TPM1: variants seen among roughly 807,000 people sequenced by gnomAD.
The protein encoded by TPM1 is tropomyosin 1, also known as tropomyosin alpha-1 chain.
TPM1 carries 24 observed loss-of-function variants against 42.9 expected under a neutral mutation model. The ratio of observed to expected loss-of-function variants is 0.56; its 90% CI spans 0.41 to 0.79. The LOEUF is 0.79. Among genes scored for constraint, TPM1 ranks in the 30% least tolerant of loss-of-function variants. The probability of loss-of-function intolerance (pLI) is 0.00; values close to 1 mark genes in which losing one functional copy is unlikely to be tolerated. For synonymous variants in TPM1, 136 were observed against 130.1 expected (o/e 1.05, Z -0.31); for missense variants, 158 against 351.8 (o/e 0.45, Z 4.41).
At chr15:63,062,980 C>G in intron 8 of TPM1, 1 of 1,371,184 alleles carries the variant, frequency 7.3e-7, no homozygotes. Context: ...AGTGTTACTT[C>G]CTAATTAAAT....
intron 3 of TPM1, among the ~76,000 whole-genome samples, chr15:63,058,168 TACGC>T (rs1257100215): frequency 6.6e-6 from 1 of 152,262 alleles, no homozygotes; most frequent in Non-Finnish European, 1.5e-5. Flanking sequence ...TCTTACAGTG[TACGC>T]ATAAGAGCAG....
rs1299968756 is a variant in TPM1, at chr15:63,043,447, GTTC to G, written c.114+509_114+511del. The G allele has an allele frequency of 4.5e-6, 3 of 669,032 alleles. No individual in the cohort carries two copies. The Admixed American group carries it at 6.2e-5, about 14-fold the overall frequency. 41.4% of individuals were successfully genotyped at this position (669,032 alleles called of 1,614,324 possible). A position where few individuals can be genotyped will look rare whatever the true frequency, so the allele number is the denominator to read the frequency against. On this transcript the variant is annotated intron_variant, in intron 1 of 9. Transcript: ENST00000403994. Reference sequence around the variant, plus strand: ...GCCCGAAAGCCAGGCCAGCAGTGGCGTTCTTCTGTGTCCCCAAGTAGTGGACTT... The same window carrying G: ...GCCCGAAAGCCAGGCCAGCAGTGGCGTTCTGTGTCCCCAAGTAGTGGACTT...
intron 2 of TPM1, chr15:63,046,077 G>C (rs1272508689): frequency 6.6e-6 from 1 of 152,206 alleles, no homozygotes; most frequent in Non-Finnish European, 1.5e-5. Context: ...AAACACCATA[G>C]AGTGTATGGT....
exon 9 of TPM1, chr15:63,071,465 A>G: frequency 2.6e-6 from 1 of 385,914 alleles, no homozygotes; most frequent in South Asian, 2.1e-5. Context: ...AAGAAGTTCC[A>G]TTCAAAGTGC....
chr15:63,057,669 C>T (rs564193181), intron 3 of TPM1, among the ~76,000 whole-genome samples: 10 of 152,324 alleles, frequency 6.6e-5, no homozygotes, highest in East Asian at 5.8e-4. Flanking sequence ...GTCAGATGCT[C>T]GTGTGTTCTG....
exon 9 of TPM1, chr15:63,071,258 A>C: frequency 1.4e-6 from 2 of 1,407,584 alleles, no homozygotes; most frequent in Non-Finnish European, 2.0e-6. Context: ...CAATTTATTT[A>C]CTTTTACCAC....
chr15:63,058,867 A>G (rs1344277285), intron 3 of TPM1, among the ~76,000 whole-genome samples: 2 of 152,230 alleles, frequency 1.3e-5, no homozygotes, highest in African/African-American at 4.8e-5. Flanking sequence ...TAGGACCCTA[A>G]TATACACCAT....
chr15:63,065,137 T>C (rs1401006016), intron 9 of TPM1: 1 of 985,390 alleles, frequency 1.0e-6, no homozygotes, highest in East Asian at 1.1e-4. Flanking sequence ...TGGGAGTTAA[T>C]GGCCCAGATT....
intron 5 of TPM1, 110 bp downstream of exon 5, chr15:63,061,049 T>C: frequency 6.7e-7 from 1 of 1,502,338 alleles, no homozygotes; most frequent in East Asian, 2.3e-5. Flanking sequence ...CGGGCTCCTT[T>C]TGTGCTCATT....
chr15:63,061,348 G>A lies in TPM1; in HGVS notation c.564-365G>A, dbSNP rs533496867. On this transcript the variant is annotated intron_variant, in intron 5 of 9. Transcript: ENST00000403994. ...TTCAGCTTCCAATGCCTCCTGGTTC[G>A]TTTGGTATAACGACTGCACCTTCAC... 1.5e-4 allele frequency: 216 copies of A among 1,437,832 alleles called. 1 individual carries two copies. The highest frequency in any genetic ancestry group is 2.0e-4 in the Non-Finnish European group (200 of 1,022,416). 89.1% of individuals were successfully genotyped at this position (1,437,832 alleles called of 1,614,324 possible).
rs28583444 is a variant in TPM1, at chr15:63,065,653, T to G, written c.852-243T>G. ...GAAAGACGAGTGTAGCTTAAAATTTTTTTTGTTTTTAAATTCTGTTCATGG... is the reference window on the plus strand; with the variant it reads ...GAAAGACGAGTGTAGCTTAAAATTTGTTTTGTTTTTAAATTCTGTTCATGG... On this transcript the variant is annotated intron_variant, in intron 9 of 9. Transcript: ENST00000403994. The G allele has an allele frequency of 0.81, 794,496 of 983,808 alleles. 321,257 individuals carry two copies. The highest frequency in any genetic ancestry group is 1 in the East Asian group (8,770 of 8,810). 60.9% of individuals were successfully genotyped at this position (983,808 alleles called of 1,614,324 possible). A position where few individuals can be genotyped will look rare whatever the true frequency, so the allele number is the denominator to read the frequency against.
At chr15:63,067,748 G>A (rs2036361214), downstream of TPM1, among the ~76,000 whole-genome samples, 10 of 152,174 alleles carry the variant, frequency 6.6e-5, no homozygotes, top group South Asian at 2.1e-3. Flanking sequence ...CAGGCTTCTG[G>A]TTCAAAGGGC....
In TPM1 at chr15:63,059,632, G is replaced by C. The variant is rs376518788; in HGVS notation, c.444G>C (p.Leu148=). 1.6e-5 allele frequency: 25 copies of C among 1,612,496 alleles called. No homozygotes were observed. Among genetic ancestry groups the C allele is most frequent in the Middle Eastern group, 3.3e-4 (2 of 6,082 alleles). ...AAATGGAAATTCAGGAGATCCAACT[G>C]AAAGAGGCCAAGCACATTGCTGAAG... ...EEKMEIQEIQ[L]KEAKHIAEDA... Residue 148 remains leucine (L), a synonymous_variant, in exon 4 of 10, where the codon CTG becomes CTC. Coordinates refer to ENST00000403994, the MANE Select transcript of TPM1 (RefSeq NM_001018005.2).
downstream of TPM1, among the ~76,000 whole-genome samples, chr15:63,068,887 G>T (rs965127069): frequency 2.6e-5 from 4 of 152,194 alleles, no homozygotes; most frequent in African/African-American, 4.8e-5. Flanking sequence ...GGTGGCTCAT[G>T]CCTGTAATCC....
chr15:63,060,677 G>A (rs1442380659), intron 4 of TPM1, among the ~76,000 whole-genome samples, 192 bp from the exon 5 acceptor site: 1 of 152,214 alleles, frequency 6.6e-6, no homozygotes, highest in Non-Finnish European at 1.5e-5. Context: ...AGTCAAAGCA[G>A]AAGCCTCTGA....
intron 9 of TPM1, chr15:63,065,596 A>C (rs2036187994): frequency 1.0e-6 from 1 of 985,250 alleles, no homozygotes; most frequent in Admixed American, 6.1e-5. Context: ...CTTTGGGAAA[A>C]ACTTTTTGCA....
downstream of TPM1, chr15:63,070,583 G>A (rs2036554109): frequency 3.0e-6 from 3 of 1,008,154 alleles, no homozygotes; most frequent in Non-Finnish European, 3.6e-6. Flanking sequence ...CATGAAACAT[G>A]TTGACAATTT....
In TPM1 at chr15:63,059,584, T is replaced by C. The variant is rs1197824702; in HGVS notation, c.396T>C (p.Ser132=). 1 of 1,610,820 alleles carries C rather than the reference T, an allele frequency of 6.2e-7. No homozygotes were observed. The change falls in exon 4 of 10, where the codon AGT becomes AGC. Residue 132 remains serine (S), a synonymous_variant. Transcript: ENST00000403994. ...ESERGMKVIE[S]RAQKDEEKME... ...TCAGAGGCATGAAAGTCATTGAGAG[T>C]CGAGCCCAAAAAGATGAAGAAAAAA...
intron 2 of TPM1, among the ~76,000 whole-genome samples, chr15:63,053,631 C>G (rs1003276694): frequency 3.1e-4 from 47 of 151,244 alleles, no homozygotes; most frequent in African/African-American, 1.1e-3. Flanking sequence ...CCCCCTTTGA[C>G]CTCCTGAATC....
Sources: gnomAD v4.1 joint callset for allele counts (sites outside exome capture counted in the v4.1 genomes callset) on GRCh38, gnomAD v4.1.1 for gene constraint, MANE v1.5 for transcripts, NCBI Gene and HGNC (gene_info 2026-07-23, HGNC 2026-07-21) for gene names.